RTN1: variants seen among roughly 807,000 people sequenced by gnomAD.
RTN1 encodes reticulon 1.
In RTN1, 25 loss-of-function variants were observed where a neutral mutation model predicts 65.5. The observed-to-expected ratio is 0.38, with a 90% CI of 0.28 to 0.53. RTN1 has a LOEUF of 0.53. Among genes scored for constraint, RTN1 ranks in the 20% least tolerant of loss-of-function variants. The pLI is 0.79. For missense variants in RTN1, 983 were observed against 1,025.4 expected, an observed-to-expected ratio of 0.96 and a Z score of 0.57; for synonymous variants, 471 against 447.6, an observed-to-expected ratio of 1.05 and a Z score of -0.66.
chr14:59,669,104 G>A (rs1052515018), intron 3 of RTN1, among the ~76,000 whole-genome samples: 12 of 151,774 alleles, frequency 7.9e-5, no homozygotes, highest in African/African-American at 2.9e-4. Context: ...CCCATTACTG[G>A]GTATATACCC....
intron 3 of RTN1, among the ~76,000 whole-genome samples, chr14:59,680,000 C>T: frequency 6.6e-6 from 1 of 152,178 alleles, no homozygotes; most frequent in East Asian, 1.9e-4. Flanking sequence ...GCAACCTCTA[C>T]AACATAGCAA....
At chr14:59,625,109 AC>A (rs1882358793) in intron 3 of RTN1, among the ~76,000 whole-genome samples, 1 of 152,030 alleles carries the variant, frequency 6.6e-6, no homozygotes, top group Non-Finnish European at 1.5e-5. Context: ...GGAAAGAGAG[AC>A]TTTTTAAAAA....
chr14:59,711,437 T>C (rs1018787880), intron 3 of RTN1, among the ~76,000 whole-genome samples: 1 of 152,218 alleles, frequency 6.6e-6, no homozygotes, highest in Non-Finnish European at 1.5e-5. Flanking sequence ...GATCCACATA[T>C]AATGTTCTCT....
chr14:59,714,549 G>T (rs1262579044), intron 3 of RTN1, among the ~76,000 whole-genome samples: 4 of 152,092 alleles, frequency 2.6e-5, no homozygotes, highest in Non-Finnish European at 5.9e-5. Context: ...GGAGGAAAAG[G>T]CACAACTGCA....
chr14:59,633,534 T>A (rs557777172), intron 3 of RTN1, among the ~76,000 whole-genome samples: 1 of 152,346 alleles, frequency 6.6e-6, no homozygotes, highest in African/African-American at 2.4e-5. Context: ...ACAGTATTAA[T>A]TGAAAGCTCT....
chr14:59,603,405 A>C (rs1192865686), intron 6 of RTN1, 147 bp from the exon 7 acceptor site: 1 of 615,180 alleles, frequency 1.6e-6, no homozygotes, highest in Non-Finnish European at 2.7e-6. Flanking sequence ...TATTTTGAGA[A>C]GCAATATCCA....
At chr14:59,661,762 A>G (rs8008928) in intron 3 of RTN1, among the ~76,000 whole-genome samples, 60,939 of 151,944 alleles carry the variant, frequency 0.4, 12,773 homozygotes, top group African/African-American at 0.5. Flanking sequence ...TCAAAATAAT[A>G]AGCTATTTAT....
intron 1 of RTN1, among the ~76,000 whole-genome samples, chr14:59,835,725 T>C (rs1566742655): frequency 6.6e-6 from 1 of 152,238 alleles, no homozygotes; most frequent in Non-Finnish European, 1.5e-5. Context: ...TATTTAATTA[T>C]GTTAAGGCTG....
At chr14:59,810,835 T>A (rs866176472) in intron 1 of RTN1, among the ~76,000 whole-genome samples, 1 of 152,128 alleles carries the variant, frequency 6.6e-6, no homozygotes, top group Admixed American at 6.6e-5. Flanking sequence ...AAGTCCCTGA[T>A]GCTGAAGCAT....
intron 3 of RTN1, among the ~76,000 whole-genome samples, chr14:59,689,187 G>C (rs1359822142): frequency 6.6e-6 from 1 of 152,024 alleles, no homozygotes; most frequent in African/African-American, 2.4e-5. Context: ...TTCATCAATA[G>C]ACCAGACCAA....
At position 59,747,149 on chromosome 14, in the gene RTN1, C is replaced by T. The variant is rs542838949; in HGVS notation, c.242-668G>A. ...TTTGTTTTCCTCCTCTTTTACTCCTCTACTGCCCATTCATTGCCATCCAGT... is the reference window on the plus strand; with the variant it reads ...TTTGTTTTCCTCCTCTTTTACTCCTTTACTGCCCATTCATTGCCATCCAGT... On this transcript the variant is annotated intron_variant, in intron 1 of 8. Transcript: ENST00000267484. Among the ~76,000 whole-genome samples, 18 of 152,346 alleles carry T rather than the reference C, an allele frequency of 1.2e-4. No individual in the cohort carries two copies. The South Asian group carries it at 3.3e-3, about 28-fold the overall frequency.
chr14:59,817,548 C>T (rs147248742), intron 1 of RTN1, among the ~76,000 whole-genome samples: 130 of 152,158 alleles, frequency 8.5e-4, no homozygotes, highest in African/African-American at 3.0e-3. Context: ...AAACATGCTT[C>T]GGTGTCCTCC....
At chr14:59,776,870 A>C (rs1594738477) in intron 1 of RTN1, among the ~76,000 whole-genome samples, 1 of 152,302 alleles carries the variant, frequency 6.6e-6, no homozygotes, top group East Asian at 1.9e-4. Flanking sequence ...TGTAGGTTTC[A>C]ATCTGACTGG....
rs1259628088 is a variant in RTN1, at chr14:59,790,875, T to G, written c.242-44394A>C. Among the ~76,000 whole-genome samples the G allele has an allele frequency of 6.6e-6, 1 of 152,170 alleles. No homozygotes were observed. The highest frequency in any genetic ancestry group is 1.5e-5 in the Non-Finnish European group (1 of 68,024). On this transcript the variant is annotated intron_variant, in intron 1 of 8. Transcript: ENST00000267484. This position sits in a 1 kb window ranked among gnomAD's most constrained non-coding sequence, Gnocchi z 4.1. Reference sequence around the variant, plus strand: ...AGCCCTTTCTTTTATGTTCACTGATTATTTGAAGCCTTTCTTCCAAGTCAT... The same window carrying G: ...AGCCCTTTCTTTTATGTTCACTGATGATTTGAAGCCTTTCTTCCAAGTCAT...
At position 59,603,876 on chromosome 14, in the gene RTN1, T is replaced by G; in HGVS notation, c.2158A>C (p.Asn720His). ...WLLTYVGALF[N>H]GLTLLLMAVV... Reference sequence around the variant, plus strand: ...CCCATGAGCAGCAGGGTCAGGCCATTGAAGAGAGCGCCAACGTAGGTCAGG... The same window carrying G: ...CCCATGAGCAGCAGGGTCAGGCCATGGAAGAGAGCGCCAACGTAGGTCAGG... The change falls in exon 6 of 9, where the codon AAT (asparagine) becomes CAT (histidine). Residue 720 changes from asparagine (N) to histidine (H), a missense_variant. Asn to His is a moderately conservative substitution (Grantham distance 68, BLOSUM62 1). Coordinates refer to ENST00000267484, the MANE Select transcript of RTN1 (RefSeq NM_021136.3). 1 of 1,611,920 alleles carries G rather than the reference T, an allele frequency of 6.2e-7. No individual in the cohort carries two copies. Among genetic ancestry groups the G allele is most frequent in the Non-Finnish European group, 8.5e-7 (1 of 1,178,410 alleles).
intron 3 of RTN1, among the ~76,000 whole-genome samples, chr14:59,708,527 C>T (rs1308076862): frequency 6.6e-6 from 1 of 152,232 alleles, no homozygotes. Flanking sequence ...ACCTGGCTCT[C>T]TGGGGATGCC....
intron 3 of RTN1, among the ~76,000 whole-genome samples, chr14:59,666,897 C>T (rs1883387837): frequency 7.6e-6 from 1 of 131,656 alleles, no homozygotes; most frequent in South Asian, 2.5e-4. Flanking sequence ...CCAGGAAGAA[C>T]TTGAATCTCT....
intron 1 of RTN1, among the ~76,000 whole-genome samples, chr14:59,869,916 C>G (rs938112978): frequency 6.6e-6 from 1 of 152,116 alleles, no homozygotes; most frequent in Non-Finnish European, 1.5e-5. Flanking sequence ...ACATCTCTGC[C>G]CTGGACAGAG....
chr14:59,715,412 A>C (rs1275118150), intron 3 of RTN1, among the ~76,000 whole-genome samples: 35 of 152,274 alleles, frequency 2.3e-4, no homozygotes, highest in Admixed American at 2.3e-3. Context: ...AACAGGACTT[A>C]TAAATCATTC....
Sources: gnomAD v4.1 joint callset for allele counts (sites outside exome capture counted in the v4.1 genomes callset) on GRCh38, gnomAD v4.1.1 for gene constraint, Gnocchi (gnomAD v3.1) non-coding constraint, MANE v1.5 for transcripts, NCBI Gene and HGNC (gene_info 2026-07-23, HGNC 2026-07-21) for gene names.